Variants in SLC25A6 observed in about 807,000 individuals in gnomAD.
The protein encoded by SLC25A6 is ADP/ATP translocase 3.
A neutral mutation model predicts 25.7 loss-of-function variants in SLC25A6; 9 were observed. The observed-to-expected ratio is 0.35, with a 90% CI of 0.21 to 0.61. The LOEUF (loss-of-function observed/expected upper bound fraction) is 0.61, where lower values mean the gene tolerates loss of function less well. Ranked by LOEUF, SLC25A6 falls within the 20% of genes least tolerant of loss-of-function variation. The pLI, the probability that SLC25A6 is intolerant of heterozygous loss-of-function variation, is 0.76. For synonymous variants in SLC25A6, 223 were observed against 197.0 expected, an observed-to-expected ratio of 1.13 and a Z score of -1.11; for missense variants, 404 against 440.5, an observed-to-expected ratio of 0.92 and a Z score of 0.74.
chrX:1,388,224 C>T (rs1265827095), intron 2 of SLC25A6, among the ~76,000 whole-genome samples: 2 of 151,498 alleles, frequency 1.3e-5, no homozygotes, highest in East Asian at 1.9e-4. Flanking sequence ...CAGCCCTGCC[C>T]CACACCTTGA....
At position 1,386,912 on chromosome X, in the gene SLC25A6, T is replaced by A. The variant is rs2089332868; in HGVS notation, c.740-153A>T. ...GAGGGATACCTGAGGCTCCCCCAGC[T>A]CAAGCCCTCCTCCTAAGCCACTGTC... On this transcript the variant is annotated intron_variant, in intron 3 of 3. Coordinates refer to ENST00000381401, the MANE Select transcript of SLC25A6 (RefSeq NM_001636.4). Among the ~76,000 whole-genome samples the A allele has an allele frequency of 3.3e-5, 5 of 151,952 alleles. No homozygotes were observed. The South Asian group carries it at 1.0e-3, about 31-fold the overall frequency.
In SLC25A6 at chrX:1,389,628, A is replaced by C; in HGVS notation, c.211T>G (p.Trp71Gly). ...ATGACGTTGGCAAGGTTGCCCCTCC[A>C]GAAGGACAGCACGCCCTGCTCCTTG... ...IPKEQGVLSF[W>G]RGNLANVIRY... is the part of the protein sequence containing the mutation. Residue 71 changes from tryptophan (W) to glycine (G), a missense_variant, in exon 2 of 4, where the codon TGG becomes GGG. By Grantham distance (184) the Trp-to-Gly change is radical. Coordinates refer to ENST00000381401, the MANE Select transcript of SLC25A6 (RefSeq NM_001636.4). The C allele has an allele frequency of 3.1e-6, 5 of 1,614,148 alleles. No individual in the cohort carries two copies. The highest frequency in any genetic ancestry group is 4.2e-6 in the Non-Finnish European group (5 of 1,180,008).
Position 1,387,268 on chromosome X carries a change from C to T in SLC25A6, c.739+11G>A. On this transcript the variant is annotated intron_variant, in intron 3 of 3. Coordinates refer to ENST00000381401, the MANE Select transcript of SLC25A6 (RefSeq NM_001636.4). ...TTCCCGGCAGCAAGGGTCCCCCGCC[C>T]CCCCGAGTACCTCCTTTGCGCCCGG... The T allele has an allele frequency of 6.2e-7, 1 of 1,610,220 alleles. No homozygotes were observed. The highest frequency in any genetic ancestry group is 8.5e-7 in the Non-Finnish European group (1 of 1,178,146).
At chrX:1,389,058 C>T (rs186382790) in intron 2 of SLC25A6, among the ~76,000 whole-genome samples, 183 bp downstream of exon 2, 9 of 151,904 alleles carry the variant, frequency 5.9e-5, no homozygotes, top group African/African-American at 2.2e-4. Flanking sequence ...GACACAGACA[C>T]ACACAGAGGG....
In SLC25A6 at chrX:1,389,699, G is replaced by A. The variant is rs781456551; in HGVS notation, c.140C>T (p.Ala47Val). The A allele has an allele frequency of 1.8e-5, 29 of 1,612,900 alleles. No individual in the cohort carries two copies. The Admixed American group carries it at 3.5e-4, about 19-fold the overall frequency. Residue 47 changes from alanine (A) to valine (V), a missense_variant, in exon 2 of 4, where the codon GCC becomes GTC. By Grantham distance (64) the Ala-to-Val change is moderately conservative. Coordinates refer to ENST00000381401, the MANE Select transcript of SLC25A6 (RefSeq NM_001636.4). ...CACGATGCCCTTGTACTGCTTGTCG[G>A]CGGCGATCTGCTTGCTGGCGTGCTG... is the stretch of plus-strand genomic sequence containing the variant. Reference protein sequence around the residue: ...QVQHASKQIAADKQYKGIVDC... With the variant: ...QVQHASKQIAVDKQYKGIVDC...
chrX:1,390,232 C>G (rs1429356984), intron 1 of SLC25A6: 2 of 170,604 alleles, frequency 1.2e-5, no homozygotes, highest in Non-Finnish European at 2.6e-5. Flanking sequence ...AAGCTGCTCT[C>G]AAACTCCTGA....
intron 2 of SLC25A6, among the ~76,000 whole-genome samples, chrX:1,388,801 A>T (rs2089361699): frequency 6.6e-6 from 1 of 151,526 alleles, no homozygotes; most frequent in Non-Finnish European, 1.5e-5. Context: ...ATCTCATAAC[A>T]AGAGGAGATG....
chrX:1,387,284 T>C lies in SLC25A6; in HGVS notation c.734A>G (p.Lys245Arg), dbSNP rs2089337844. 14 of 1,612,152 alleles carry C rather than the reference T, an allele frequency of 8.7e-6. No homozygotes were observed. Among genetic ancestry groups the C allele is most frequent in the Non-Finnish European group, 1.2e-5 (14 of 1,179,302 alleles). Residue 245 changes from lysine (K) to arginine (R), a missense_variant, in exon 3 of 4, where the codon AAA becomes AGA. By Grantham distance (26) the Lys-to-Arg change is conservative. Transcript: ENST00000381401. ...TCCCCCGCCCCCCCGAGTACCTCCT[T>C]TGCGCCCGGACTGCATCATCATGCG... ...RRRMMMQSGR[K>R]GADIMYTGTV...
chrX:1,392,069 G>T lies in SLC25A6; in HGVS notation c.-60C>A. 1 of 1,295,056 alleles carries T rather than the reference G, an allele frequency of 7.7e-7. No homozygotes were observed. 80.2% of individuals were successfully genotyped at this position (1,295,056 alleles called of 1,614,324 possible). A position where few individuals can be genotyped will look rare whatever the true frequency, so the allele number is the denominator to read the frequency against. On this transcript the variant is annotated 5_prime_UTR_variant, in exon 1 of 4. Transcript: ENST00000381401. ...CGGAGAACGGGCGCGGAGAGTGAAT[G>T]GAGGGCGTCGCTGGCTCAGCCCTGC...
intron 3 of SLC25A6, 151 bp from the exon 4 acceptor site, chrX:1,386,910 G>C (rs1229466668): frequency 2.0e-6 from 2 of 996,392 alleles, no homozygotes; most frequent in Non-Finnish European, 3.0e-6. Flanking sequence ...GGCTCCCCCA[G>C]CTCAAGCCCT....
Position 1,390,557 on chromosome X carries a change from G to A in SLC25A6, c.112-830C>T, listed in dbSNP as rs181093737. Among the ~76,000 whole-genome samples, 1,401 of 149,204 alleles carry A rather than the reference G, an allele frequency of 9.4e-3. 12 individuals are homozygous for A. Among genetic ancestry groups the A allele is most frequent in the Non-Finnish European group, 0.014 (972 of 67,704 alleles). ...CGTGCCACTGCACTCCAGCCTGGGC[G>A]ACAGGGAGAGACTCCATCTCAAAAA... is the stretch of plus-strand genomic sequence containing the variant. On this transcript the variant is annotated intron_variant, in intron 1 of 3. Transcript: ENST00000381401.
In SLC25A6 at chrX:1,387,409, G is replaced by A. The variant is rs776044365; in HGVS notation, c.609C>T (p.Pro203=). 1.2e-5 allele frequency: 19 copies of A among 1,612,664 alleles called. No individual in the cohort carries two copies. Among genetic ancestry groups the A allele is most frequent in the African/African-American group, 6.7e-5 (5 of 74,914 alleles). The change falls in exon 3 of 4, where the codon CCC becomes CCT. Residue 203 remains proline, a synonymous_variant. Transcript: ENST00000381401. ...GVYDTAKGML[P]DPKNTHIVVS... is the part of the protein sequence containing the mutation. The stretch of plus-strand genomic sequence containing the variant: ...CCACGATGTGCGTGTTCTTGGGGTC[G>A]GGGAGCATGCCTGCGCGGGAACGGC...
At chrX:1,391,784 G>C (rs2089416734) in intron 1 of SLC25A6, 115 bp downstream of exon 1, 1 of 730,268 alleles carries the variant, frequency 1.4e-6, no homozygotes, top group Non-Finnish European at 2.2e-6. Context: ...CAAAGCGATC[G>C]CGGCCTTCCA....
Position 1,387,270 on chromosome X carries a change from C to A in SLC25A6, c.739+9G>T, listed in dbSNP as rs201852564. 2.3e-5 allele frequency: 37 copies of A among 1,610,622 alleles called. No homozygotes were observed. The highest frequency in any genetic ancestry group is 2.0e-4 in the Admixed American group (12 of 59,926). On this transcript the variant is annotated intron_variant, in intron 3 of 3. Transcript: ENST00000381401. ...CCCGGCAGCAAGGGTCCCCCGCCCC[C>A]CCGAGTACCTCCTTTGCGCCCGGAC...
chrX:1,391,995 G>A lies in SLC25A6; in HGVS notation c.15C>T (p.Ala5=), dbSNP rs1396183409. The A allele has an allele frequency of 5.0e-6, 8 of 1,607,654 alleles. No individual in the cohort carries two copies. The highest frequency in any genetic ancestry group is 6.8e-6 in the Non-Finnish European group (8 of 1,178,280). The part of the protein sequence containing the change: MTEQ[A]ISFAKDFLAG... ...CCAAGAAGTCTTTGGCGAAGGAGATGGCCTGTTCCGTCATGGTGGCAGGGC... is the reference window on the plus strand; with the variant it reads ...CCAAGAAGTCTTTGGCGAAGGAGATAGCCTGTTCCGTCATGGTGGCAGGGC... Residue 5 remains alanine (A), a synonymous_variant, in exon 1 of 4, where the codon GCC becomes GCT. Coordinates refer to ENST00000381401, the MANE Select transcript of SLC25A6 (RefSeq NM_001636.4).
intron 1 of SLC25A6, 69 bp downstream of exon 1, chrX:1,391,830 G>T: frequency 7.9e-7 from 1 of 1,266,164 alleles, no homozygotes; most frequent in Non-Finnish European, 1.1e-6. Flanking sequence ...TGCTGCCCAC[G>T]TCCCCGCCCG....
At chrX:1,389,802 C>CT (rs1161448594) in intron 1 of SLC25A6, 75 bp from the exon 2 acceptor site, 61 of 1,562,672 alleles carry the variant, frequency 3.9e-5, no homozygotes, top group Middle Eastern at 2.4e-4. Flanking sequence ...AGGGTGCATC[C>CT]TTTTTTTGAC....
chrX:1,392,086 C>G lies in SLC25A6; in HGVS notation c.-77G>C. The G allele has an allele frequency of 9.1e-7, 1 of 1,102,318 alleles. No individual in the cohort carries two copies. The highest frequency in any genetic ancestry group is 2.7e-5 in the East Asian group (1 of 37,472). The allele number at this position is 1,102,318 out of a possible 1,614,324, so 68.3% of individuals were successfully genotyped here. On this transcript the variant is annotated 5_prime_UTR_variant, in exon 1 of 4. Transcript: ENST00000381401. ...GAGTGAATGGAGGGCGTCGCTGGCT[C>G]AGCCCTGCCGCCGCCTGGACCGAAA... is the stretch of plus-strand genomic sequence containing the variant.
intron 2 of SLC25A6, 49 bp downstream of exon 2, chrX:1,389,192 C>A: frequency 1.3e-6 from 2 of 1,585,010 alleles, no homozygotes; most frequent in East Asian, 2.2e-5. Flanking sequence ...GGGGGAACGT[C>A]TGTGTGTTGA....
Sources: gnomAD v4.1 joint callset for allele counts (sites outside exome capture counted in the v4.1 genomes callset) on GRCh38, gnomAD v4.1.1 for gene constraint, MANE v1.5 for transcripts, NCBI Gene and HGNC (gene_info 2026-07-23, HGNC 2026-07-21) for gene names.